STXBP5L: variants seen among roughly 807,000 people sequenced by gnomAD.
STXBP5L encodes syntaxin-binding protein 5-like.
Under a neutral mutation model 144.5 loss-of-function variants are expected in STXBP5L, and 65 were observed. That is an observed-to-expected ratio of 0.45 (90% CI 0.37 to 0.55). The LOEUF is 0.55. Among genes scored for constraint, STXBP5L ranks in the 20% least tolerant of loss-of-function variants. The pLI is 0.00. For synonymous variants in STXBP5L, 505 were observed against 469.6 expected (o/e 1.08, Z -0.97); for missense variants, 1,298 against 1,405.5 (o/e 0.92, Z 1.22).
intron 3 of STXBP5L, among the ~76,000 whole-genome samples, chr3:121,005,351 A>G (rs192670884): frequency 6.6e-6 from 1 of 152,186 alleles, no homozygotes; most frequent in Non-Finnish European, 1.5e-5. Context: ...TGGTGTTTAT[A>G]GTATTCTCTG....
chr3:121,089,095 A>T (rs1186898077), intron 5 of STXBP5L, among the ~76,000 whole-genome samples: 4 of 87,302 alleles, frequency 4.6e-5, no homozygotes, highest in African/African-American at 2.2e-4. Context: ...AGTATAATAA[A>T]AAAAAAAAAA....
Position 121,239,029 on chromosome 3 carries a change from A to G in STXBP5L, c.1243A>G (p.Thr415Ala), listed in dbSNP as rs202046287. The G allele has an allele frequency of 1.4e-5, 23 of 1,610,456 alleles. No individual in the cohort carries two copies. The East Asian group carries it at 5.2e-4, about 36-fold the overall frequency. ...MDIHESPVTC[T>A]AYFADCPPDL... is the part of the protein sequence containing the mutation. ...CATTCATGAATCACCAGTTACATGC[A>G]CAGCATACTTTGCAGATTGTCCTCC... Residue 415 changes from threonine to alanine, a missense_variant, in exon 13 of 27, where the codon ACA becomes GCA. Coordinates refer to ENST00000471454, the MANE Select transcript of STXBP5L (RefSeq NM_001308330.2).
chr3:121,360,699 C>T (rs1048528511), intron 20 of STXBP5L, among the ~76,000 whole-genome samples: 2 of 152,004 alleles, frequency 1.3e-5, no homozygotes, highest in Admixed American at 6.6e-5. Flanking sequence ...TAAGTTTGTC[C>T]TCCTGCTTTT....
chr3:121,249,721 T>C (rs1359379899), intron 14 of STXBP5L, among the ~76,000 whole-genome samples: 1 of 152,100 alleles, frequency 6.6e-6, no homozygotes, highest in Non-Finnish European at 1.5e-5. Flanking sequence ...TCCAATAAGA[T>C]GTTGAATAAG....
intron 9 of STXBP5L, among the ~76,000 whole-genome samples, chr3:121,198,427 G>A (rs1365754814): frequency 2.0e-5 from 3 of 152,016 alleles, no homozygotes; most frequent in Non-Finnish European, 4.4e-5. Flanking sequence ...CTCCCATTCT[G>A]TTGGTTGCCT....
chr3:121,123,121 T>G (rs1225102117), intron 7 of STXBP5L, among the ~76,000 whole-genome samples: 1 of 151,556 alleles, frequency 6.6e-6, no homozygotes, highest in Non-Finnish European at 1.5e-5. Context: ...GTCTCACTAG[T>G]AATTAGGGAA....
At chr3:121,069,775 G>A (rs1181860226) in intron 5 of STXBP5L, among the ~76,000 whole-genome samples, 7 of 151,894 alleles carry the variant, frequency 4.6e-5, no homozygotes, top group African/African-American at 7.3e-5. Context: ...TTTGTTTAAG[G>A]TATGAGATTG....
intron 5 of STXBP5L, among the ~76,000 whole-genome samples, chr3:121,065,696 C>T (rs1277904825): frequency 2.0e-5 from 3 of 152,110 alleles, no homozygotes; most frequent in Non-Finnish European, 2.9e-5. Flanking sequence ...GAACTACAGG[C>T]ATGTGCCACC....
In STXBP5L at chr3:120,922,758, C is replaced by T. The variant is rs143600923; in HGVS notation, c.189+12991C>T. ...TTGGTTGTGTTAGTGTGATATATCACGTTTATTGTTTTGCATTTGTGGAGG... is the reference window on the plus strand; with the variant it reads ...TTGGTTGTGTTAGTGTGATATATCATGTTTATTGTTTTGCATTTGTGGAGG... On this transcript the variant is annotated intron_variant, in intron 2 of 26. Transcript: ENST00000471454. Among the ~76,000 whole-genome samples, 8 of 151,808 alleles carry T rather than the reference C, an allele frequency of 5.3e-5. No individual in the cohort carries two copies. The East Asian group carries it at 7.7e-4, about 15-fold the overall frequency.
At chr3:121,140,939 A>G (rs971507459) in intron 7 of STXBP5L, among the ~76,000 whole-genome samples, 8 of 152,186 alleles carry the variant, frequency 5.3e-5, no homozygotes, top group Admixed American at 3.9e-4. Flanking sequence ...GCTTTTAACT[A>G]TAATAAGTTT....
At chr3:121,269,470 C>T (rs1308602451) in intron 18 of STXBP5L, among the ~76,000 whole-genome samples, 1 of 151,800 alleles carries the variant, frequency 6.6e-6, no homozygotes, top group African/African-American at 2.4e-5. Context: ...AAATAGTCCT[C>T]TGGGTCAGAA....
intron 3 of STXBP5L, among the ~76,000 whole-genome samples, chr3:120,968,698 A>G (rs923803186): frequency 3.3e-5 from 5 of 152,088 alleles, no homozygotes; most frequent in Admixed American, 2.6e-4. Context: ...TACCCAATAT[A>G]TAGTCTTTTA....
intron 20 of STXBP5L, among the ~76,000 whole-genome samples, chr3:121,353,649 A>T (rs1336603256): frequency 6.6e-6 from 1 of 152,038 alleles, no homozygotes; most frequent in Non-Finnish European, 1.5e-5. Flanking sequence ...GGATTCATTA[A>T]TTTTTTGAAG....
At chr3:120,923,411 T>C (rs536446439) in intron 2 of STXBP5L, among the ~76,000 whole-genome samples, 3 of 152,146 alleles carry the variant, frequency 2.0e-5, no homozygotes, top group South Asian at 2.1e-4. Context: ...TTATAGTTCC[T>C]TGAGGTGTAT....
At chr3:121,225,331 G>A (rs1009287852) in intron 11 of STXBP5L, among the ~76,000 whole-genome samples, 2 of 152,180 alleles carry the variant, frequency 1.3e-5, no homozygotes, top group South Asian at 2.1e-4. Context: ...TTGGTAGCTC[G>A]TGGAGAGGAG....
intron 5 of STXBP5L, among the ~76,000 whole-genome samples, chr3:121,105,419 T>TAAATAAATAAATAAATAAAA (rs1364882737): frequency 4.2e-4 from 63 of 151,338 alleles, no homozygotes; most frequent in Non-Finnish European, 8.0e-4. Context: ...AATAAATAAA[T>TAAATAAATAAATAAATAAAA]AAAAAGATGT....
intron 20 of STXBP5L, among the ~76,000 whole-genome samples, chr3:121,358,846 A>C (rs1272160302): frequency 1.3e-5 from 2 of 152,214 alleles, no homozygotes; most frequent in African/African-American, 4.8e-5. Context: ...ATTGAATAGT[A>C]CTCCATTGCA....
chr3:121,208,704 G>T (rs1439402001), intron 10 of STXBP5L, among the ~76,000 whole-genome samples: 2 of 151,982 alleles, frequency 1.3e-5, no homozygotes, highest in East Asian at 1.9e-4. Context: ...GATTATTAAG[G>T]TGCAGGACAC....
chr3:121,294,223 C>A (rs888156693), intron 19 of STXBP5L, among the ~76,000 whole-genome samples: 1 of 152,058 alleles, frequency 6.6e-6, no homozygotes, highest in East Asian at 1.9e-4. Flanking sequence ...GTGATAGCAA[C>A]GCTGTTGGAG....
Sources: gnomAD v4.1 joint callset for allele counts (sites outside exome capture counted in the v4.1 genomes callset) on GRCh38, gnomAD v4.1.1 for gene constraint, MANE v1.5 for transcripts, NCBI Gene and HGNC (gene_info 2026-07-23, HGNC 2026-07-21) for gene names.